Variants in ULK3 observed in about 807,000 individuals in gnomAD.
The protein encoded by ULK3 is serine/threonine-protein kinase ULK3.
In ULK3, 54 loss-of-function variants were observed where a neutral mutation model predicts 69.4. The ratio of observed to expected loss-of-function variants is 0.78; its 90% CI spans 0.63 to 0.98. ULK3 has a LOEUF of 0.98. Ranked by LOEUF, ULK3 falls within the 50% of genes least tolerant of loss-of-function variation. The pLI, the probability that ULK3 is intolerant of heterozygous loss-of-function variation, is 0.00. For missense variants in ULK3, 558 were observed against 627.7 expected (o/e 0.89, Z 1.19); for synonymous variants, 240 against 254.5 (o/e 0.94, Z 0.54).
At chr15:74,837,955 C>T in intron 13 of ULK3, 157 bp from the exon 14 acceptor site, 1 of 1,193,274 alleles carries the variant, frequency 8.4e-7, no homozygotes, top group Non-Finnish European at 1.2e-6. Context: ...CTCCAGGAAG[C>T]CTTCCCAGAC....
rs548531073 is a variant in ULK3, at chr15:74,837,634, G to A, written c.1335+117C>T. The A allele has an allele frequency of 4.8e-5, 65 of 1,354,508 alleles. 2 individuals are homozygous for A. In the South Asian group the frequency reaches 8.1e-4, roughly 17 times the overall value. The allele number at this position is 1,354,508 out of a possible 1,614,324, so 83.9% of individuals were successfully genotyped here. A position where few individuals can be genotyped will look rare whatever the true frequency, so the allele number is the denominator to read the frequency against. On this transcript the variant is annotated intron_variant, in intron 14 of 15. Coordinates refer to ENST00000440863, the MANE Select transcript of ULK3 (RefSeq NM_001099436.4). ...AGTGAAGGGCAGATACAGGGACAGG[G>A]AGGCCTGCAGAGGAGGCGAGAGAGC...
chr15:74,839,622 T>C lies in ULK3; in HGVS notation c.788A>G (p.Asp263Gly). The C allele has an allele frequency of 1.3e-6, 2 of 1,560,848 alleles. No individual in the cohort carries two copies. The highest frequency in any genetic ancestry group is 1.7e-6 in the Non-Finnish European group (2 of 1,153,798). The change falls in exon 7 of 16, where the codon GAC (aspartate) becomes GGC (glycine). Residue 263 changes from aspartate to glycine, a missense_variant. Transcript: ENST00000440863. ...RDPSRRISFQDFFAHPWVDLE... is the reference protein window; with the variant it reads ...RDPSRRISFQGFFAHPWVDLE... ...GTCCACCCAGGGGTGCGCAAAAAAG[T>C]CCTGGAAGGAGATGCGACGGCTGGG...
At chr15:74,840,356 G>A (rs1217212174) in intron 5 of ULK3, 40 bp from the exon 6 acceptor site, 2 of 1,588,248 alleles carry the variant, frequency 1.3e-6, no homozygotes, top group East Asian at 2.3e-5. Flanking sequence ...GAGGGAATGG[G>A]TCAAGCCTGG....
In ULK3 at chr15:74,836,914, T is replaced by TA; in HGVS notation, c.*313dup. 1 of 296,852 alleles carries TA rather than the reference T, an allele frequency of 3.4e-6. No individual in the cohort carries two copies. The highest frequency in any genetic ancestry group is 6.3e-6 in the Non-Finnish European group (1 of 159,906). The allele number at this position is 296,852 out of a possible 1,614,324, so 18.4% of individuals were successfully genotyped here. A position where few individuals can be genotyped will look rare whatever the true frequency, so the allele number is the denominator to read the frequency against. ...GCCCTCTTCTCGGAGCCAAAAATGA[T>TA]AGAGGGCTGCATGCCCCAAAACGGA... On this transcript the variant is annotated 3_prime_UTR_variant, in exon 16 of 16. Coordinates refer to ENST00000440863, the MANE Select transcript of ULK3 (RefSeq NM_001099436.4). This position sits in a 1 kb window ranked among gnomAD's most constrained non-coding sequence, Gnocchi z 4.0.
At chr15:74,840,468 A>G (rs2064206121) in intron 5 of ULK3, 30 bp downstream of exon 5, 2 of 1,591,362 alleles carry the variant, frequency 1.3e-6, no homozygotes, top group Non-Finnish European at 1.7e-6. Context: ...TGTAGGCCTC[A>G]GGGTGAGAAG....
At position 74,842,755 on chromosome 15, in the gene ULK3, C is replaced by T; in HGVS notation, c.102+249G>A. ...CCTCCCAACTGGCTCCAGTCCCAGA[C>T]TCCTCCCAGCCCACCAGGTAACCTG... On this transcript the variant is annotated intron_variant, in intron 1 of 15. Transcript: ENST00000440863. This position sits in a 1 kb window ranked among gnomAD's most constrained non-coding sequence, Gnocchi z 4.9. 1 of 1,505,720 alleles carries T rather than the reference C, an allele frequency of 6.6e-7. No homozygotes were observed. The highest frequency in any genetic ancestry group is 8.9e-7 in the Non-Finnish European group (1 of 1,127,840). The allele number at this position is 1,505,720 out of a possible 1,614,324, so 93.3% of individuals were successfully genotyped here.
chr15:74,841,848 T>C (rs1365271417), intron 3 of ULK3, among the ~76,000 whole-genome samples: 1 of 152,212 alleles, frequency 6.6e-6, no homozygotes, highest in East Asian at 1.9e-4. Context: ...TTATATTATG[T>C]TCTATGTATG....
At position 74,837,781 on chromosome 15, in the gene ULK3, G is replaced by A. The variant is rs1390180106; in HGVS notation, c.1305C>T (p.Ala435=). ...CCTGCTCCTTCAAGTATTCAGCTCG[G>A]GCCATGAGGTTCTGAACCTGCCAAG... The part of the protein sequence containing the change: ...LLHTEVQNLM[A]RAEYLKEQVK... The change falls in exon 14 of 16, where the codon GCC becomes GCT. Residue 435 remains alanine (A), a synonymous_variant. Transcript: ENST00000440863. 1 of 1,598,674 alleles carries A rather than the reference G, an allele frequency of 6.3e-7. No individual in the cohort carries two copies. Among genetic ancestry groups the A allele is most frequent in the Non-Finnish European group, 8.5e-7 (1 of 1,172,376 alleles).
Position 74,843,030 on chromosome 15 carries a change from C to A in ULK3, c.76G>T (p.Ala26Ser). The stretch of plus-strand genomic sequence containing the variant: ...TTGGCGTAGGCCTTGTACACCGTGG[C>A]GTACGTGCCGCTGCCCAGGCGCTCG... ...LTERLGSGTY[A>S]TVYKAYAKKD... Residue 26 changes from alanine (A) to serine (S), a missense_variant, in exon 1 of 16, where the codon GCC becomes TCC. Physicochemically the swap from Ala to Ser is moderately conservative, Grantham distance 99 (BLOSUM62 1). Coordinates refer to ENST00000440863, the MANE Select transcript of ULK3 (RefSeq NM_001099436.4). The A allele has an allele frequency of 6.5e-7, 1 of 1,531,594 alleles. No homozygotes were observed. Among genetic ancestry groups the A allele is most frequent in the African/African-American group, 1.4e-5 (1 of 71,932 alleles). 94.9% of individuals were successfully genotyped at this position (1,531,594 alleles called of 1,614,324 possible). A position where few individuals can be genotyped will look rare whatever the true frequency, so the allele number is the denominator to read the frequency against.
chr15:74,842,381 T>C lies in ULK3; in HGVS notation c.142A>G (p.Lys48Glu). 1.9e-6 allele frequency: 3 copies of C among 1,614,026 alleles called. No homozygotes were observed. The highest frequency in any genetic ancestry group is 2.5e-6 in the Non-Finnish European group (3 of 1,179,896). The change falls in exon 2 of 16, where the codon AAG becomes GAG. Residue 48 changes from lysine to glutamate, a missense_variant. Lys to Glu is a moderately conservative substitution (Grantham distance 56, BLOSUM62 1). Transcript: ENST00000440863. The surrounding 1 kb of genome is among the most constrained non-coding windows in gnomAD (Gnocchi z 4.9). ...ACCGATGCCTTGTTCAGACTTTTCT[T>C]GGCTACACACTTTATGGCTACCACT... is the stretch of plus-strand genomic sequence containing the variant. ...REVVAIKCVA[K>E]KSLNKASVEN...
chr15:74,838,578 C>A, intron 10 of ULK3, 65 bp downstream of exon 10: 1 of 1,576,336 alleles, frequency 6.3e-7, no homozygotes, highest in Non-Finnish European at 8.6e-7. Flanking sequence ...TCCCCACCCG[C>A]CTCCCCCTCA....
intron 4 of ULK3, 94 bp downstream of exon 4, chr15:74,841,311 A>T (rs933670329): frequency 9.7e-7 from 1 of 1,026,816 alleles, no homozygotes; most frequent in South Asian, 1.4e-5. Flanking sequence ...GACTCTATAG[A>T]GGGCTCCATA....
intron 8 of ULK3, 103 bp downstream of exon 8, chr15:74,839,165 T>C: frequency 2.0e-6 from 3 of 1,528,074 alleles, no homozygotes; most frequent in Non-Finnish European, 2.7e-6. Flanking sequence ...CTTTATCGCC[T>C]ACAAAATTCT....
intron 13 of ULK3, 36 bp from the exon 14 acceptor site, chr15:74,837,834 G>C (rs1315484265): frequency 2.6e-6 from 4 of 1,558,284 alleles, no homozygotes; most frequent in Non-Finnish European, 3.5e-6. Flanking sequence ...GTGTGGGGGA[G>C]AGTGGCGGGG....
Position 74,839,608 on chromosome 15 carries a change from G to A in ULK3, c.802C>T (p.Pro268Ser). 1 of 1,563,612 alleles carries A rather than the reference G, an allele frequency of 6.4e-7. No individual in the cohort carries two copies. Among genetic ancestry groups the A allele is most frequent in the Non-Finnish European group, 8.7e-7 (1 of 1,155,276 alleles). The change falls in exon 7 of 16, where the codon CCC (proline) becomes TCC (serine). Residue 268 changes from proline to serine, a missense_variant. Coordinates refer to ENST00000440863, the MANE Select transcript of ULK3 (RefSeq NM_001099436.4). ...GGCATGTGCTCCAGGTCCACCCAGG[G>A]GTGCGCAAAAAAGTCCTGGAAGGAG... ...RISFQDFFAHPWVDLEHMPSG... is the reference protein window; with the variant it reads ...RISFQDFFAHSWVDLEHMPSG...
At chr15:74,837,656 G>A in intron 14 of ULK3, 95 bp downstream of exon 14, 1 of 1,417,420 alleles carries the variant, frequency 7.1e-7, no homozygotes, top group South Asian at 1.2e-5. Flanking sequence ...GGAGGCGAGA[G>A]AGCAGACATA....
chr15:74,838,948 C>T, intron 9 of ULK3, 62 bp downstream of exon 9: 2 of 1,548,678 alleles, frequency 1.3e-6, no homozygotes, highest in Non-Finnish European at 8.8e-7. Flanking sequence ...TCCCCAGAGG[C>T]CCCCGAGATC....
At position 74,842,811 on chromosome 15, in the gene ULK3, G is replaced by T; in HGVS notation, c.102+193C>A. ...AGCCTGTTCTTCAGCCACTGACCCT[G>T]CAGGTGGGTGCAGGTGCGCTCTTTA... On this transcript the variant is annotated intron_variant, in intron 1 of 15. Coordinates refer to ENST00000440863, the MANE Select transcript of ULK3 (RefSeq NM_001099436.4). The surrounding 1 kb of genome is among the most constrained non-coding windows in gnomAD (Gnocchi z 4.9). 7.3e-7 allele frequency: 1 copy of T among 1,368,590 alleles called. No homozygotes were observed. Among genetic ancestry groups the T allele is most frequent in the Non-Finnish European group, 9.8e-7 (1 of 1,023,884 alleles). 84.8% of individuals were successfully genotyped at this position (1,368,590 alleles called of 1,614,324 possible). A position where few individuals can be genotyped will look rare whatever the true frequency, so the allele number is the denominator to read the frequency against.
chr15:74,840,743 AG>A (rs2064217591), intron 4 of ULK3, 102 bp from the exon 5 acceptor site: 3 of 1,409,782 alleles, frequency 2.1e-6, no homozygotes, highest in Non-Finnish European at 2.8e-6. Flanking sequence ...CAGACCCGCC[AG>A]GATCAACCCT....
Sources: allele counts gnomAD v4.1 joint callset (sites outside exome capture counted in the v4.1 genomes callset), GRCh38; gene constraint gnomAD v4.1.1; non-coding constraint Gnocchi (gnomAD v3.1); transcripts MANE v1.5; gene names NCBI Gene and HGNC (gene_info 2026-07-23, HGNC 2026-07-21).